MINDY4: variants seen among roughly 807,000 people sequenced by gnomAD.
MINDY4 encodes the protein MINDY lysine 48 deubiquitinase 4, also known as probable ubiquitin carboxyl-terminal hydrolase MINDY-4.
A neutral mutation model predicts 87.0 loss-of-function variants in MINDY4; 68 were observed. That is an observed-to-expected ratio of 0.78 (90% CI 0.64 to 0.96). The LOEUF (loss-of-function observed/expected upper bound fraction) is 0.96. Ranked by LOEUF, MINDY4 falls within the 40% of genes least tolerant of loss-of-function variation. The pLI, the probability that MINDY4 is intolerant of heterozygous loss-of-function variation, is 0.00. For synonymous variants in MINDY4, 379 were observed against 363.2 expected (o/e 1.04, Z -0.50); for missense variants, 919 against 928.2 (o/e 0.99, Z 0.13).
intron 5 of MINDY4, among the ~76,000 whole-genome samples, chr7:30,827,383 G>A (rs143458880): frequency 1.4e-3 from 218 of 152,244 alleles, no homozygotes; most frequent in Non-Finnish European, 2.4e-3. Context: ...GGCGGAGGTG[G>A]GAGAAGTGTG....
intron 5 of MINDY4, among the ~76,000 whole-genome samples, chr7:30,800,728 G>C (rs1438886399): frequency 6.6e-6 from 1 of 152,242 alleles, no homozygotes; most frequent in African/African-American, 2.4e-5. Flanking sequence ...TTAATTCACA[G>C]ATCCAGGGGA....
intron 3 of MINDY4, among the ~76,000 whole-genome samples, chr7:30,782,664 C>T (rs1168067553): frequency 6.6e-6 from 1 of 151,890 alleles, no homozygotes; most frequent in Non-Finnish European, 1.5e-5. Flanking sequence ...GATCACACCA[C>T]TGCATGGTAG....
intron 2 of MINDY4, chr7:30,779,640 C>A (rs11486827): frequency 3.9e-5 from 6 of 152,198 alleles, no homozygotes; most frequent in Admixed American, 6.5e-5. Flanking sequence ...AACCACTGAT[C>A]AATTCCCTTC....
At chr7:30,799,906 G>C (rs1274022151) in intron 5 of MINDY4, among the ~76,000 whole-genome samples, 1 of 152,210 alleles carries the variant, frequency 6.6e-6, no homozygotes, top group East Asian at 1.9e-4. Flanking sequence ...GATCCCCTGG[G>C]GAGATGTGGA....
intron 3 of MINDY4, among the ~76,000 whole-genome samples, chr7:30,783,772 A>T (rs1467450274): frequency 6.6e-6 from 1 of 152,166 alleles, no homozygotes; most frequent in Non-Finnish European, 1.5e-5. Flanking sequence ...AAATTCCATG[A>T]TCGTAAGGTT....
chr7:30,813,617 C>T (rs1295910819), intron 5 of MINDY4, among the ~76,000 whole-genome samples: 1 of 152,202 alleles, frequency 6.6e-6, no homozygotes, highest in Non-Finnish European at 1.5e-5. Flanking sequence ...CCTCACAACC[C>T]ATTTCCAGGG....
At chr7:30,779,835 G>A (rs1352670440) in intron 2 of MINDY4, 1 of 152,212 alleles carries the variant, frequency 6.6e-6, no homozygotes, top group Non-Finnish European at 1.5e-5. Context: ...GGATTCGTAT[G>A]GTGGTAGGAC....
At chr7:30,859,047 C>T (rs1236288833) in intron 12 of MINDY4, 1 of 713,548 alleles carries the variant, frequency 1.4e-6, no homozygotes, top group Non-Finnish European at 2.6e-6. Flanking sequence ...CCCTGCATCA[C>T]CCTCGCTCTG....
At chr7:30,803,228 C>T (rs1287935881) in intron 5 of MINDY4, 2 of 152,230 alleles carry the variant, frequency 1.3e-5, no homozygotes, top group African/African-American at 4.8e-5. Context: ...CTACTTTGTT[C>T]CTCCTGCTGG....
chr7:30,789,189 A>G (rs1787245211), intron 4 of MINDY4, among the ~76,000 whole-genome samples: 1 of 152,062 alleles, frequency 6.6e-6, no homozygotes, highest in Non-Finnish European at 1.5e-5. Context: ...GAGGAGCGCC[A>G]GGGTCCTGTC....
rs776062314 is a variant in MINDY4 at position 30,882,229 on chromosome 7, A to C, written c.2020A>C (p.Ser674Arg). The C allele has an allele frequency of 3.7e-5, 60 of 1,613,628 alleles. No individual in the cohort carries two copies. The highest frequency in any genetic ancestry group is 4.9e-5 in the Non-Finnish European group (58 of 1,179,730). Residue 674 changes from serine (S) to arginine (R), a missense_variant, in exon 16 of 18, where the codon AGT becomes CGT. By Grantham distance (110) the Ser-to-Arg change is moderately radical. Coordinates refer to ENST00000265299, the MANE Select transcript of MINDY4 (RefSeq NM_032222.3). The part of the protein sequence containing the change: ...TPRFPIWVVC[S>R]ESHFSILFSL... ...GAGGTTCCCCATCTGGGTGGTTTGC[A>C]GTGAGAGCCACTTCAGCATCCTCTT...
intron 5 of MINDY4, among the ~76,000 whole-genome samples, chr7:30,818,233 G>T (rs1788223848): frequency 6.6e-6 from 1 of 151,992 alleles, no homozygotes; most frequent in Non-Finnish European, 1.5e-5. Context: ...TACATTATTA[G>T]ATTTTCTACT....
At chr7:30,868,214 G>T (rs978180468) in intron 13 of MINDY4, among the ~76,000 whole-genome samples, 2 of 152,202 alleles carry the variant, frequency 1.3e-5, no homozygotes, top group African/African-American at 4.8e-5. Flanking sequence ...GGACTCTAGG[G>T]CTTGCTTGGA....
chr7:30,885,674 C>CACACTTTG (rs1790609996), intron 17 of MINDY4, among the ~76,000 whole-genome samples: 1 of 151,950 alleles, frequency 6.6e-6, no homozygotes, highest in African/African-American at 2.4e-5. Flanking sequence ...GTCCCAGGAC[C>CACACTTTG]ACACTTTGAG....
At chr7:30,846,297 T>TG (rs1324360946) in intron 9 of MINDY4, among the ~76,000 whole-genome samples, 4 of 152,212 alleles carry the variant, frequency 2.6e-5, no homozygotes, top group Non-Finnish European at 5.9e-5. Context: ...AGTGGACAGG[T>TG]GAGGCTATTT....
At chr7:30,841,212 A>G (rs538219478) in intron 9 of MINDY4, among the ~76,000 whole-genome samples, 38 of 152,068 alleles carry the variant, frequency 2.5e-4, no homozygotes, top group African/African-American at 9.2e-4. Flanking sequence ...TCCCCACGCT[A>G]TCTCCCCTCT....
intron 17 of MINDY4, 133 bp downstream of exon 17, chr7:30,883,126 G>T (rs766701558): frequency 3.3e-5 from 28 of 836,128 alleles, no homozygotes; most frequent in Non-Finnish European, 4.6e-5. Flanking sequence ...GTGGTGATTG[G>T]AAAGACACAG....
chr7:30,825,848 C>T (rs144871553), intron 5 of MINDY4, among the ~76,000 whole-genome samples: 201 of 152,294 alleles, frequency 1.3e-3, no homozygotes, highest in African/African-American at 4.4e-3. Flanking sequence ...AAAGTGGCTT[C>T]AAACAACATG....
chr7:30,824,964 C>A (rs1788455298), intron 5 of MINDY4, among the ~76,000 whole-genome samples: 1 of 139,960 alleles, frequency 7.1e-6, no homozygotes, highest in South Asian at 2.4e-4. Flanking sequence ...CAGCAGTAAT[C>A]CAGCTCATGC....
Sources: gnomAD v4.1 joint callset for allele counts (sites outside exome capture counted in the v4.1 genomes callset) on GRCh38, gnomAD v4.1.1 for gene constraint, MANE v1.5 for transcripts, NCBI Gene and HGNC (gene_info 2026-07-23, HGNC 2026-07-21) for gene names.